Variants in F8 observed in about 807,000 individuals in gnomAD.
The protein encoded by F8 is antihemophilic factor.
Under a neutral mutation model 140.6 loss-of-function variants are expected in F8, and 12 were observed. The ratio of observed to expected loss-of-function variants is 0.09; its 90% CI spans 0.05 to 0.14. The LOEUF (loss-of-function observed/expected upper bound fraction) is 0.14, where lower values mean the gene tolerates loss of function less well. Ranked by LOEUF, F8 falls within the 10% of genes least tolerant of loss-of-function variation. F8 has a pLI of 1.00. For missense variants in F8, 1,354 were observed against 1,720.7 expected, an observed-to-expected ratio of 0.79 and a Z score of 3.77; for synonymous variants, 585 against 614.6, an observed-to-expected ratio of 0.95 and a Z score of 0.71.
At position 154,836,605 on chromosome X, in the gene F8, T is replaced by C. The variant is rs782499043; in HGVS notation, c.*992A>G. 3 of 111,844 alleles carry C rather than the reference T, an allele frequency of 2.7e-5. No individual in the cohort carries two copies. The South Asian group carries it at 1.1e-3, about 42-fold the overall frequency. 9.2% of individuals were successfully genotyped at this position (111,844 alleles called of 1,213,427 possible). ...GCAGGAAATTAGTAGAGGGAGAGAGTAAACTGAGTGCATTATTAGAATTAC... is the reference window on the plus strand; with the variant it reads ...GCAGGAAATTAGTAGAGGGAGAGAGCAAACTGAGTGCATTATTAGAATTAC... On this transcript the variant is annotated 3_prime_UTR_variant, in exon 26 of 26. Coordinates refer to ENST00000360256, the MANE Select transcript of F8 (RefSeq NM_000132.4).
intron 1 of F8, among the ~76,000 whole-genome samples, chrX:155,020,100 A>T (rs782161399): frequency 9.0e-6 from 1 of 111,139 alleles, no homozygotes; most frequent in South Asian, 3.7e-4. Context: ...CAAAAAGAAT[A>T]GTGAGGATTG....
chrX:154,971,500 C>T (rs2073456230), intron 6 of F8, among the ~76,000 whole-genome samples: 1 of 111,690 alleles, frequency 9.0e-6, no homozygotes, highest in African/African-American at 3.2e-5. Context: ...GGGTAATTAT[C>T]ATATCCATCA....
chrX:154,901,713 C>T (rs1557275945), intron 19 of F8, among the ~76,000 whole-genome samples: 1 of 111,889 alleles, frequency 8.9e-6, no homozygotes, highest in African/African-American at 3.2e-5. Flanking sequence ...TCTCCAAACT[C>T]TTCCAAGTAG....
intron 13 of F8, among the ~76,000 whole-genome samples, 200 bp downstream of exon 13, chrX:154,947,498 T>A (rs1208837262): frequency 9.0e-6 from 1 of 111,068 alleles, no homozygotes; most frequent in Non-Finnish European, 1.9e-5. Context: ...AAACTAAAAA[T>A]AGAACTACTA....
Position 154,930,209 on chromosome X carries a change from A to C in F8, c.3581T>G (p.Phe1194Cys). Residue 1194 changes from phenylalanine (F) to cysteine (C), a missense_variant, in exon 14 of 26, where the codon TTT becomes TGT. Coordinates refer to ENST00000360256, the MANE Select transcript of F8 (RefSeq NM_000132.4). Reference protein sequence around the residue: ...EMVFPSSRNLFLTNLDNLHEN... With the variant: ...EMVFPSSRNLCLTNLDNLHEN... ...ATGTAAATTATCCAAGTTAGTAAGA[A>C]ATAGGTTTCTGCTGCTTGGAAAAAC... is the stretch of plus-strand genomic sequence containing the variant. 1 of 1,209,689 alleles carries C rather than the reference A, an allele frequency of 8.3e-7. No homozygotes were observed. The highest frequency in any genetic ancestry group is 1.1e-6 in the Non-Finnish European group (1 of 894,586).
chrX:154,844,008 T>C (rs1284235332), intron 25 of F8, among the ~76,000 whole-genome samples: 5 of 111,927 alleles, frequency 4.5e-5, no homozygotes, highest in South Asian at 7.4e-4. Flanking sequence ...TTTCTACATA[T>C]GGCTAGCCAG....
At chrX:154,859,306 T>G (rs1557272643) in intron 25 of F8, among the ~76,000 whole-genome samples, 1 of 102,721 alleles carries the variant, frequency 9.7e-6, no homozygotes, top group South Asian at 4.4e-4. Flanking sequence ...CGTATTTTCT[T>G]TTTTTTTTTT....
chrX:154,855,895 A>C (rs782716537), intron 25 of F8, among the ~76,000 whole-genome samples: 41 of 111,633 alleles, frequency 3.7e-4, no homozygotes, highest in Non-Finnish European at 6.2e-4. Flanking sequence ...ACAAGCAGGA[A>C]TCCAGAGAAT....
intron 14 of F8, among the ~76,000 whole-genome samples, chrX:154,918,171 T>G (rs1246384805): frequency 9.0e-6 from 1 of 111,656 alleles, no homozygotes; most frequent in Non-Finnish European, 1.9e-5. Context: ...CTGCAGCTCT[T>G]GCAACGGCTT....
intron 13 of F8, among the ~76,000 whole-genome samples, chrX:154,933,832 G>C (rs1213868185): frequency 8.9e-6 from 1 of 112,215 alleles, no homozygotes; most frequent in Non-Finnish European, 1.9e-5. Context: ...TTTAAGACTG[G>C]AAAGGGCATA....
chrX:154,924,196 T>C (rs2124039901), intron 14 of F8, among the ~76,000 whole-genome samples: 1 of 111,509 alleles, frequency 9.0e-6, no homozygotes, highest in South Asian at 3.8e-4. Context: ...AGTAAGTTGG[T>C]ACCAGTAGAG....
In F8 at chrX:154,931,407, T is replaced by C. The variant is rs2228152; in HGVS notation, c.2383A>G (p.Arg795Gly). Residue 795 changes from arginine to glycine, a missense_variant, in exon 14 of 26, where the codon AGA becomes GGA. By Grantham distance (125) the Arg-to-Gly change is moderately radical (BLOSUM62 -2). Coordinates refer to ENST00000360256, the MANE Select transcript of F8 (RefSeq NM_000132.4). ...TTTTGTATTTTAGGCATAGGTGTTCTGTGTGCAAACCAAGGGTCAGTCTTC... is the reference window on the plus strand; with the variant it reads ...TTTTGTATTTTAGGCATAGGTGTTCCGTGTGCAAACCAAGGGTCAGTCTTC... ...IEKTDPWFAH[R>G]TPMPKIQNVS... is the part of the protein sequence containing the mutation. 1.0e-4 allele frequency: 122 copies of C among 1,209,858 alleles called. No homozygotes were observed. The East Asian group carries it at 2.5e-3, about 25-fold the overall frequency.
rs150450713 is a variant in F8 at position 154,962,907 on chromosome X, A to G, written c.1444-1739T>C. On this transcript the variant is annotated intron_variant, in intron 9 of 25. Transcript: ENST00000360256. Reference sequence around the variant, plus strand: ...AGAGACAGAGACGAGAGAGAGAGAGAGAGAGAGAGAGAGAATGGAAGAGCA... The same window carrying G: ...AGAGACAGAGACGAGAGAGAGAGAGGGAGAGAGAGAGAGAATGGAAGAGCA... Among the ~76,000 whole-genome samples the G allele has an allele frequency of 5.7e-3, 629 of 109,776 alleles. 7 individuals carry two copies. The highest frequency in any genetic ancestry group is 0.02 in the African/African-American group (601 of 29,996).
intron 14 of F8, chrX:154,918,793 T>G (rs2073113476): frequency 9.9e-6 from 1 of 101,454 alleles, no homozygotes; most frequent in African/African-American, 3.7e-5. Context: ...CATGTTTTTT[T>G]TTTTTTTTTT....
intron 7 of F8, among the ~76,000 whole-genome samples, chrX:154,968,055 C>A (rs1404785495): frequency 3.6e-5 from 4 of 111,663 alleles, no homozygotes; most frequent in Non-Finnish European, 3.8e-5. Context: ...AAAGATTAGG[C>A]CTCTCCGACA....
Position 154,929,827 on chromosome X carries a change from G to A in F8, c.3963C>T (p.Ser1321=), listed in dbSNP as rs1219996248. ...TACGTTGCGTGACAAAATTCTGCTG[G>A]CTTGTATTAGGAGATATCCTTGTGG... ...ACTTRISPNT[S]QQNFVTQRSK... is the part of the protein sequence containing the mutation. Residue 1321 remains serine (S), a synonymous_variant, in exon 14 of 26, where the codon AGC becomes AGT. Transcript: ENST00000360256. The A allele has an allele frequency of 6.6e-6, 8 of 1,211,499 alleles. No individual in the cohort carries two copies. Among genetic ancestry groups the A allele is most frequent in the Non-Finnish European group, 8.9e-6 (8 of 895,341 alleles).
At chrX:154,863,875 C>A (rs1396282607) in intron 22 of F8, among the ~76,000 whole-genome samples, 1 of 111,627 alleles carries the variant, frequency 9.0e-6, no homozygotes, top group East Asian at 2.8e-4. Context: ...GGTCCTACCA[C>A]TATCCCTATC....
At chrX:154,940,631 C>G (rs1470940720) in intron 13 of F8, among the ~76,000 whole-genome samples, 1 of 111,890 alleles carries the variant, frequency 8.9e-6, no homozygotes, top group Non-Finnish European at 1.9e-5. Context: ...TCTAGCAAGG[C>G]AGGCCAACAT....
intron 13 of F8, among the ~76,000 whole-genome samples, chrX:154,933,796 A>C (rs781945321): frequency 6.0e-4 from 68 of 112,534 alleles, no homozygotes; most frequent in Non-Finnish European, 1.2e-3. Flanking sequence ...CCATAATTTA[A>C]AACCACAAAG....
Sources: allele counts gnomAD v4.1 joint callset (sites outside exome capture counted in the v4.1 genomes callset), GRCh38; gene constraint gnomAD v4.1.1; transcripts MANE v1.5; gene names NCBI Gene and HGNC (gene_info 2026-07-23, HGNC 2026-07-21).